Variants in R3HDM1 observed in about 807,000 individuals in gnomAD.
R3HDM1 encodes the protein R3H domain-containing protein 1.
R3HDM1 carries 46 observed loss-of-function variants against 141.1 expected under a neutral mutation model. The ratio of observed to expected loss-of-function variants is 0.33; its 90% CI spans 0.26 to 0.42. The LOEUF (loss-of-function observed/expected upper bound fraction) is 0.42. Among genes scored for constraint, R3HDM1 ranks in the 10% least tolerant of loss-of-function variants. The pLI is 1.00. For synonymous variants in R3HDM1, 435 were observed against 472.9 expected (o/e 0.92, Z 1.04); for missense variants, 1,184 against 1,368.3 (o/e 0.87, Z 2.12).
rs956835647 is a variant in R3HDM1 at position 135,567,904 on chromosome 2, T to C, written c.-249-34596T>C. ...GCAGGCGTGCATCACCACACCTGGC[T>C]TTTTTTTTTTTTTTTTTTTTTTTGC... On this transcript the variant is annotated intron_variant, in intron 1 of 26. Transcript: ENST00000683871. 2.1e-3 allele frequency among the ~76,000 whole-genome samples: 259 copies of C among 120,722 alleles called. 4 individuals are homozygous for C. Among genetic ancestry groups the C allele is most frequent in the Admixed American group, 0.013 (169 of 12,698 alleles). 79.2% of individuals were successfully genotyped at this position (120,722 alleles called of 152,430 possible). A position where few individuals can be genotyped will look rare whatever the true frequency, so the allele number is the denominator to read the frequency against.
intron 1 of R3HDM1, chr2:135,581,176 A>G: frequency 1.0e-6 from 1 of 985,040 alleles, no homozygotes; most frequent in Non-Finnish European, 1.2e-6. Flanking sequence ...GCAGGAACTA[A>G]TAATGGTTGC....
chr2:135,707,585 CCTTTGCAGGATGGCTTG>C (rs752084214), intron 21 of R3HDM1, among the ~76,000 whole-genome samples: 53 of 152,268 alleles, frequency 3.5e-4, no homozygotes, highest in Middle Eastern at 3.4e-3. Flanking sequence ...TATTCCCTTC[CCTTTGCAGGATGGCTTG>C]CTTTCACCCA....
intron 1 of R3HDM1, among the ~76,000 whole-genome samples, chr2:135,556,710 G>C (rs1468148726): frequency 6.6e-6 from 1 of 151,996 alleles, no homozygotes. Context: ...AGTAGAGACA[G>C]GGTTTCACCG....
At chr2:135,659,668 G>T (rs192596082) in intron 18 of R3HDM1, among the ~76,000 whole-genome samples, 24 of 152,060 alleles carry the variant, frequency 1.6e-4, no homozygotes, top group Admixed American at 1.1e-3. Flanking sequence ...AAACTCCTGG[G>T]CTCAAGCGAT....
chr2:135,600,955 T>G (rs1411648112), intron 1 of R3HDM1, among the ~76,000 whole-genome samples: 1 of 152,222 alleles, frequency 6.6e-6, no homozygotes, highest in Non-Finnish European at 1.5e-5. Flanking sequence ...CACTCTCCCC[T>G]GCAGCTATTG....
intron 6 of R3HDM1, chr2:135,622,051 A>G (rs1224442723): frequency 1.0e-6 from 1 of 984,418 alleles, no homozygotes; most frequent in South Asian, 4.7e-5. Context: ...TTGCAGATCA[A>G]TAGAAATGCT....
At chr2:135,682,463 A>T (rs2070490990) in intron 21 of R3HDM1, among the ~76,000 whole-genome samples, 1 of 152,134 alleles carries the variant, frequency 6.6e-6, no homozygotes, top group South Asian at 2.1e-4. Context: ...GTGAGAGAGC[A>T]TAATTATGTT....
chr2:135,635,067 A>G (rs549663760), intron 9 of R3HDM1, among the ~76,000 whole-genome samples: 17 of 152,312 alleles, frequency 1.1e-4, no homozygotes, highest in Non-Finnish European at 1.8e-4. Flanking sequence ...CTAAGATTTC[A>G]TAATCGTTAC....
intron 1 of R3HDM1, chr2:135,536,833 C>A: frequency 2.0e-6 from 1 of 496,310 alleles, no homozygotes; most frequent in Non-Finnish European, 2.6e-6. Context: ...CCTGTCAGAT[C>A]AGCGGTGGCA....
rs1185854187 is a variant in R3HDM1, at chr2:135,666,622, G to C, written c.2152+5229G>C. ...CCATGGAATAGTTCTTTAAATAGCT[G>C]TGAGCAATAAACTCTGTGTGACTGT... On this transcript the variant is annotated intron_variant, in intron 19 of 26. Coordinates refer to ENST00000683871, the MANE Select transcript of R3HDM1 (RefSeq NM_001378107.1). Among the ~76,000 whole-genome samples the C allele has an allele frequency of 2.0e-5, 3 of 152,224 alleles. No homozygotes were observed. In the East Asian group the frequency reaches 5.8e-4, roughly 29 times the overall value.
Position 135,638,894 on chromosome 2 carries a change from A to G in R3HDM1, c.993-2A>G. On this transcript the variant is annotated splice_acceptor_variant, in intron 13 of 26. Transcript: ENST00000683871. LOFTEE classifies it high-confidence loss of function. ...TTTCAAGGTTTTATTTCTAAATTAC[A>G]GAGTTAATAAAGATGCTTCAGGGAG... The G allele has an allele frequency of 6.2e-7, 1 of 1,612,786 alleles. No individual in the cohort carries two copies. The highest frequency in any genetic ancestry group is 8.5e-7 in the Non-Finnish European group (1 of 1,179,558).
At chr2:135,535,231 T>TG (rs1323296269) in intron 1 of R3HDM1, among the ~76,000 whole-genome samples, 1 of 152,064 alleles carries the variant, frequency 6.6e-6, no homozygotes, top group African/African-American at 2.4e-5. Context: ...CCAGGCGGGG[T>TG]GGCTCACACC....
chr2:135,643,143 A>G (rs963268848), intron 15 of R3HDM1, among the ~76,000 whole-genome samples: 3 of 152,184 alleles, frequency 2.0e-5, no homozygotes, highest in Non-Finnish European at 4.4e-5. Flanking sequence ...TTTTGACAAC[A>G]GTATTACAAT....
intron 21 of R3HDM1, among the ~76,000 whole-genome samples, chr2:135,694,526 A>T (rs991095806): frequency 5.9e-5 from 9 of 152,260 alleles, no homozygotes; most frequent in African/African-American, 2.2e-4. Context: ...GCCAGAAATT[A>T]TGTGAAACAG....
chr2:135,594,985 C>A (rs989271893), intron 1 of R3HDM1, among the ~76,000 whole-genome samples: 2 of 151,732 alleles, frequency 1.3e-5, no homozygotes, highest in Non-Finnish European at 1.5e-5. Flanking sequence ...ACACCCCCCC[C>A]CCTTTTCAAT....
At chr2:135,643,054 A>G (rs1469381443) in intron 15 of R3HDM1, among the ~76,000 whole-genome samples, 2 of 152,136 alleles carry the variant, frequency 1.3e-5, no homozygotes, top group Non-Finnish European at 2.9e-5. Flanking sequence ...TTTGCTTAGG[A>G]AGGGATAGAG....
At chr2:135,612,302 C>T (rs1349409266) in intron 3 of R3HDM1, among the ~76,000 whole-genome samples, 1 of 152,162 alleles carries the variant, frequency 6.6e-6, no homozygotes, top group African/African-American at 2.4e-5. Context: ...AATTCGTAAC[C>T]TCTTCAAGGT....
intron 11 of R3HDM1, among the ~76,000 whole-genome samples, chr2:135,636,403 G>A (rs554632684): frequency 2.0e-5 from 3 of 152,244 alleles, no homozygotes; most frequent in South Asian, 2.1e-4. Flanking sequence ...AAAGTTGGAA[G>A]CAGGTAGACT....
chr2:135,716,564 C>T (rs1329713898), intron 24 of R3HDM1, among the ~76,000 whole-genome samples: 1 of 152,148 alleles, frequency 6.6e-6, no homozygotes, highest in Non-Finnish European at 1.5e-5. Context: ...AAAAAATTTA[C>T]AAACAACCTA....
Sources: allele counts gnomAD v4.1 joint callset (sites outside exome capture counted in the v4.1 genomes callset), GRCh38; gene constraint gnomAD v4.1.1; transcripts MANE v1.5; gene names NCBI Gene and HGNC (gene_info 2026-07-23, HGNC 2026-07-21).